The following CRHR2 variants were observed in gnomAD, a reference collection of about 807,000 sequenced individuals.
The protein encoded by CRHR2 is corticotropin-releasing hormone receptor 2.
In CRHR2, 53 loss-of-function variants were observed where a neutral mutation model predicts 57.9. The observed-to-expected ratio is 0.92, with a 90% CI of 0.73 to 1.15. The LOEUF is 1.15. Among genes scored for constraint, CRHR2 ranks in the 50% most tolerant of loss-of-function variants. CRHR2 has a pLI of 0.00. For synonymous variants in CRHR2, 213 were observed against 220.9 expected, an observed-to-expected ratio of 0.96 and a Z score of 0.32; for missense variants, 532 against 542.6, an observed-to-expected ratio of 0.98 and a Z score of 0.19.
chr7:30,690,180 C>G (rs565968379), intron 1 of CRHR2, among the ~76,000 whole-genome samples: 5 of 152,204 alleles, frequency 3.3e-5, no homozygotes, highest in African/African-American at 1.2e-4. Flanking sequence ...GTACGATTTA[C>G]TGAGGAGGGC....
intron 2 of CRHR2, among the ~76,000 whole-genome samples, chr7:30,680,725 A>G (rs1784670586): frequency 6.6e-6 from 1 of 152,082 alleles, no homozygotes; most frequent in Admixed American, 6.6e-5. Flanking sequence ...TGGTGCAGCC[A>G]GGAGAGTGCG....
At position 30,660,600 on chromosome 7, in the gene CRHR2, G is replaced by A; in HGVS notation, c.804C>T (p.Tyr268=). 1 of 1,571,262 alleles carries A rather than the reference G, an allele frequency of 6.4e-7. No homozygotes were observed. The highest frequency in any genetic ancestry group is 8.6e-7 in the Non-Finnish European group (1 of 1,157,820). The part of the protein sequence containing the change: ...KEPGDLVDYI[Y]QGPIILVLLI... ...GGAGCACGAGAATGATGGGGCCTTG[G>A]TAGATGTAGTCCACCAGGTCGCCAG... Residue 268 remains tyrosine, a synonymous_variant, in exon 8 of 12, where the codon TAC becomes TAT. Transcript: ENST00000471646.
intron 2 of CRHR2, among the ~76,000 whole-genome samples, chr7:30,667,939 C>T (rs1007744005): frequency 1.3e-5 from 2 of 152,180 alleles, no homozygotes; most frequent in East Asian, 1.9e-4. Context: ...GTTGTGGCTT[C>T]GGGTCTTCTG....
intron 5 of CRHR2, among the ~76,000 whole-genome samples, chr7:30,664,323 A>G (rs1258026346): frequency 4.6e-5 from 7 of 152,222 alleles, no homozygotes; most frequent in Non-Finnish European, 1.0e-4. Flanking sequence ...ATGGACAGAA[A>G]TCCAGAGTGG....
intron 1 of CRHR2, among the ~76,000 whole-genome samples, chr7:30,696,726 AAAAAT>A (rs1337373355): frequency 8.5e-5 from 13 of 152,168 alleles, no homozygotes; most frequent in Non-Finnish European, 1.5e-4. Flanking sequence ...TCCATCTCAA[AAAAAT>A]AAAATAAAAT....
intron 2 of CRHR2, among the ~76,000 whole-genome samples, chr7:30,679,565 G>C (rs910947215): frequency 2.0e-5 from 3 of 152,180 alleles, no homozygotes; most frequent in Non-Finnish European, 2.9e-5. Flanking sequence ...GTGCTCAGCT[G>C]AGTTGAAAAA....
intron 8 of CRHR2, among the ~76,000 whole-genome samples, chr7:30,659,705 A>G (rs1190272001): frequency 6.6e-6 from 1 of 152,244 alleles, no homozygotes; most frequent in Non-Finnish European, 1.5e-5. Flanking sequence ...GAAAAAGGAG[A>G]GTAAGAAAAT....
intron 2 of CRHR2, among the ~76,000 whole-genome samples, chr7:30,673,341 T>G (rs1438587133): frequency 6.6e-6 from 1 of 152,128 alleles, no homozygotes; most frequent in Non-Finnish European, 1.5e-5. Flanking sequence ...TCCTGAGTAA[T>G]GGGACTACAG....
At chr7:30,683,786 A>G (rs377659717), upstream of CRHR2, among the ~76,000 whole-genome samples, 1 of 152,210 alleles carries the variant, frequency 6.6e-6, no homozygotes, top group African/African-American at 2.4e-5. Flanking sequence ...GAGGGCAAGG[A>G]GAGCTGGAAC....
chr7:30,662,387 C>T (rs1231154886), intron 6 of CRHR2, among the ~76,000 whole-genome samples, 171 bp from the exon 7 acceptor site: 1 of 152,206 alleles, frequency 6.6e-6, no homozygotes, highest in Admixed American at 6.5e-5. Flanking sequence ...CATGCCCCTG[C>T]CCCTCTCTCC....
chr7:30,663,232 C>T (rs1283181919), intron 5 of CRHR2, among the ~76,000 whole-genome samples: 4 of 152,098 alleles, frequency 2.6e-5, no homozygotes, highest in African/African-American at 9.7e-5. Flanking sequence ...GTCAGACCTG[C>T]TTCCTTTTGG....
At chr7:30,688,516 C>G (rs540823442) in intron 2 of CRHR2, among the ~76,000 whole-genome samples, 1 of 152,194 alleles carries the variant, frequency 6.6e-6, no homozygotes, top group Admixed American at 6.5e-5. Flanking sequence ...TTCTCTTTGA[C>G]GCCTGGCTTG....
At chr7:30,662,977 G>C (rs758080026) in intron 5 of CRHR2, 130 bp from the exon 6 acceptor site, 4 of 1,074,536 alleles carry the variant, frequency 3.7e-6, no homozygotes, top group Non-Finnish European at 5.2e-6. Context: ...AAATACCAGC[G>C]AACCTCACTC....
At position 30,655,958 on chromosome 7, in the gene CRHR2, C is replaced by A; in HGVS notation, c.886G>T (p.Ala296Ser). The A allele has an allele frequency of 6.2e-7, 1 of 1,613,954 alleles. No individual in the cohort carries two copies. Among genetic ancestry groups the A allele is most frequent in the Non-Finnish European group, 8.5e-7 (1 of 1,179,974 alleles). ...IVRILMTKLR[A>S]STTSETIQYR... The stretch of plus-strand genomic sequence containing the variant: ...TGGATTGTCTCGGATGTGGTGGACG[C>A]GCGTAACTTTGTCATTAGGATCCTG... The change falls in exon 9 of 12, where the codon GCG becomes TCG. Residue 296 changes from alanine to serine, a missense_variant. Coordinates refer to ENST00000471646, the MANE Select transcript of CRHR2 (RefSeq NM_001883.5).
chr7:30,683,381 T>G (rs977721852), upstream of CRHR2, among the ~76,000 whole-genome samples: 2 of 152,148 alleles, frequency 1.3e-5, no homozygotes, highest in African/African-American at 4.8e-5. Context: ...ACAGCAGGTG[T>G]GGAGGAGCTG....
chr7:30,684,994 C>T (rs146015163), upstream of CRHR2, among the ~76,000 whole-genome samples: 1,934 of 152,286 alleles, frequency 0.013, 34 homozygotes, highest in African/African-American at 0.044. Flanking sequence ...CCCATCCCAG[C>T]TGGAGGCCAG....
intron 8 of CRHR2, among the ~76,000 whole-genome samples, chr7:30,658,432 G>A (rs1329609484): frequency 6.6e-6 from 1 of 152,198 alleles, no homozygotes; most frequent in African/African-American, 2.4e-5. Flanking sequence ...GCCTAGCTGG[G>A]GGCCTGGAGG....
intron 3 of CRHR2, among the ~76,000 whole-genome samples, chr7:30,666,071 A>G (rs1392269005): frequency 3.3e-5 from 5 of 152,108 alleles, no homozygotes; most frequent in Non-Finnish European, 5.9e-5. Flanking sequence ...ATGGGTACAG[A>G]TTCTTTTTTA....
Position 30,656,069 on chromosome 7 carries a change from G to T in CRHR2, c.832-57C>A. 6.5e-7 allele frequency: 1 copy of T among 1,528,956 alleles called. No homozygotes were observed. The highest frequency in any genetic ancestry group is 1.1e-5 in the South Asian group (1 of 89,058). 94.7% of individuals were successfully genotyped at this position (1,528,956 alleles called of 1,614,324 possible). On this transcript the variant is annotated intron_variant, in intron 8 of 11. Coordinates refer to ENST00000471646, the MANE Select transcript of CRHR2 (RefSeq NM_001883.5). This position sits in a 1 kb window ranked among gnomAD's most constrained non-coding sequence, Gnocchi z 4.4. ...AAAGGAAGGAGCACGTGTTTGAGAT[G>T]AGCCGAGAGGCAGCCCCCTTCCCCG...
Sources: gnomAD v4.1 joint callset for allele counts (sites outside exome capture counted in the v4.1 genomes callset) on GRCh38, gnomAD v4.1.1 for gene constraint, Gnocchi (gnomAD v3.1) non-coding constraint, MANE v1.5 for transcripts, NCBI Gene and HGNC (gene_info 2026-07-23, HGNC 2026-07-21) for gene names.